Variants in SDK1 observed in about 807,000 individuals in gnomAD.
SDK1 encodes protein sidekick-1.
A neutral mutation model predicts 245.5 loss-of-function variants in SDK1; 157 were observed. The observed-to-expected ratio is 0.64, with a 90% CI of 0.56 to 0.73. SDK1 has a LOEUF of 0.73. Among genes scored for constraint, SDK1 ranks in the 30% least tolerant of loss-of-function variants. The pLI, the probability that SDK1 is intolerant of heterozygous loss-of-function variation, is 0.00. For missense variants in SDK1, 3,583 were observed against 3,002.3 expected (o/e 1.19, Z -4.52); for synonymous variants, 1,647 against 1,278.5 (o/e 1.29, Z -6.15).
chr7:3,854,290 T>TA (rs1231928280), intron 5 of SDK1, among the ~76,000 whole-genome samples: 1 of 152,210 alleles, frequency 6.6e-6, no homozygotes, highest in Non-Finnish European at 1.5e-5. Flanking sequence ...GAAGACTACC[T>TA]AAGCTCTGCA....
At chr7:3,745,666 C>G (rs961615587) in intron 4 of SDK1, among the ~76,000 whole-genome samples, 1 of 152,088 alleles carries the variant, frequency 6.6e-6, no homozygotes, top group African/African-American at 2.4e-5. Context: ...TCGAGCGACC[C>G]CTATAAAACT....
intron 5 of SDK1, among the ~76,000 whole-genome samples, chr7:3,904,992 CAAAAA>C (rs869287759): frequency 2.5e-5 from 3 of 120,348 alleles, no homozygotes; most frequent in Admixed American, 8.0e-5. Context: ...GACTCCGTCT[CAAAAA>C]AAAAAAAAAA....
chr7:4,070,867 G>A (rs1389844254), intron 20 of SDK1, among the ~76,000 whole-genome samples: 1 of 151,848 alleles, frequency 6.6e-6, no homozygotes, highest in Admixed American at 6.6e-5. Flanking sequence ...GAGCCACCAC[G>A]CCTGGCTAAT....
intron 5 of SDK1, among the ~76,000 whole-genome samples, chr7:3,902,708 T>A: frequency 6.6e-6 from 1 of 152,248 alleles, no homozygotes; most frequent in East Asian, 1.9e-4. Context: ...CAGAGAAGCC[T>A]CATCGCCTTC....
At chr7:4,012,710 A>C (rs1211881266) in intron 16 of SDK1, among the ~76,000 whole-genome samples, 1 of 151,338 alleles carries the variant, frequency 6.6e-6, no homozygotes, top group Admixed American at 6.6e-5. Context: ...AGTAGCTGGG[A>C]TTACAGGCAT....
chr7:3,767,129 C>T (rs1226734317), intron 4 of SDK1, among the ~76,000 whole-genome samples: 2 of 152,084 alleles, frequency 1.3e-5, no homozygotes, highest in Non-Finnish European at 2.9e-5. Context: ...GGAGATCCTT[C>T]TCTAAGGCAT....
intron 28 of SDK1, among the ~76,000 whole-genome samples, chr7:4,140,949 T>TA (rs1160584844): frequency 6.6e-6 from 1 of 152,084 alleles, no homozygotes; most frequent in Non-Finnish European, 1.5e-5. Context: ...TTTAAATTTT[T>TA]AAAAAAATGA....
intron 5 of SDK1, among the ~76,000 whole-genome samples, chr7:3,838,264 C>T (rs1001874020): frequency 1.3e-4 from 20 of 152,176 alleles, no homozygotes; most frequent in African/African-American, 4.6e-4. Context: ...TTAGGGAAGT[C>T]AAGGGTGAGA....
At chr7:3,595,281 TATG>T (rs1434258725) in intron 1 of SDK1, among the ~76,000 whole-genome samples, 4 of 152,242 alleles carry the variant, frequency 2.6e-5, no homozygotes, top group Non-Finnish European at 2.9e-5. Flanking sequence ...TTCGTAACTT[TATG>T]ATATTTTGCT....
chr7:4,216,726 C>A (rs1784818201), intron 38 of SDK1, among the ~76,000 whole-genome samples: 1 of 152,196 alleles, frequency 6.6e-6, no homozygotes, highest in Non-Finnish European at 1.5e-5. Context: ...CACACCTCCT[C>A]ACCCAGAACC....
At chr7:3,415,734 TA>T (rs1398544437) in intron 1 of SDK1, among the ~76,000 whole-genome samples, 8 of 149,748 alleles carry the variant, frequency 5.3e-5, no homozygotes, top group Admixed American at 2.0e-4. Context: ...TATATATATA[TA>T]TTCATATACA....
intron 5 of SDK1, among the ~76,000 whole-genome samples, chr7:3,942,906 C>T (rs1283020565): frequency 1.3e-5 from 2 of 152,140 alleles, no homozygotes; most frequent in Non-Finnish European, 2.9e-5. Flanking sequence ...AGTCTCATGG[C>T]TCAGGGAGAA....
chr7:3,693,520 T>C (rs796157413), intron 4 of SDK1, among the ~76,000 whole-genome samples: 10 of 152,360 alleles, frequency 6.6e-5, no homozygotes, highest in African/African-American at 2.4e-4. Context: ...CGTCAGCTGA[T>C]CCATGCTTTT....
chr7:3,517,824 T>G (rs1365450135), intron 1 of SDK1, among the ~76,000 whole-genome samples: 1 of 152,200 alleles, frequency 6.6e-6, no homozygotes, highest in Admixed American at 6.5e-5. Flanking sequence ...TAAGACCATT[T>G]TAATACCTCA....
Position 3,646,163 on chromosome 7 carries a change from C to T in SDK1, c.713+4058C>T, listed in dbSNP as rs1191759331. On this transcript the variant is annotated intron_variant, in intron 4 of 44. Transcript: ENST00000404826. Reference sequence around the variant, plus strand: ...TGAGCCACCACACCCAGCCTTTCTGCACCTATTTTTAACCTCCTTGTGTGA... The same window carrying T: ...TGAGCCACCACACCCAGCCTTTCTGTACCTATTTTTAACCTCCTTGTGTGA... Among the ~76,000 whole-genome samples, 6 of 152,276 alleles carry T rather than the reference C, an allele frequency of 3.9e-5. No individual in the cohort carries two copies. The East Asian group carries it at 1.2e-3, about 29-fold the overall frequency.
At chr7:3,959,074 T>C (rs1434092715) in intron 8 of SDK1, 60 bp downstream of exon 8, 7 of 1,264,054 alleles carry the variant, frequency 5.5e-6, no homozygotes, top group South Asian at 3.6e-5. Flanking sequence ...AAACAACCTT[T>C]TTCCATAGCA....
At position 4,265,253 on chromosome 7, in the gene SDK1, G is replaced by A. The variant is rs756304044; in HGVS notation, c.6511G>A (p.Glu2171Lys). 38 of 1,603,136 alleles carry A rather than the reference G, an allele frequency of 2.4e-5. No individual in the cohort carries two copies. Among genetic ancestry groups the A allele is most frequent in the Admixed American group, 5.0e-5 (3 of 59,712 alleles). Reference protein sequence around the residue: ...QGRAPAPHRYEAVAGSEAGAQ... With the variant: ...QGRAPAPHRYKAVAGSEAGAQ... ...CCGCGCACCTGCGCCGCACAGGTAC[G>A]AGGCGGTGGCGGGCTCCGAGGCGGG... is the stretch of plus-strand genomic sequence containing the variant. Residue 2171 changes from glutamate (E) to lysine (K), a missense_variant, in exon 45 of 45, where the codon GAG becomes AAG. Physicochemically the swap from Glu to Lys is moderately conservative, Grantham distance 56 (BLOSUM62 1). Coordinates refer to ENST00000404826, the MANE Select transcript of SDK1 (RefSeq NM_152744.4).
intron 14 of SDK1, among the ~76,000 whole-genome samples, chr7:4,002,806 G>C (rs1785173735): frequency 6.6e-6 from 1 of 152,158 alleles, no homozygotes; most frequent in Non-Finnish European, 1.5e-5. Context: ...TGTAATTTCG[G>C]AGCTCTTGTT....
At chr7:3,384,062 G>C (rs886182902) in intron 1 of SDK1, among the ~76,000 whole-genome samples, 1 of 152,108 alleles carries the variant, frequency 6.6e-6, no homozygotes, top group Non-Finnish European at 1.5e-5. Context: ...TTTATACAGA[G>C]TTAGCTTAGG....
Sources: gnomAD v4.1 joint callset for allele counts (sites outside exome capture counted in the v4.1 genomes callset) on GRCh38, gnomAD v4.1.1 for gene constraint, MANE v1.5 for transcripts, NCBI Gene and HGNC (gene_info 2026-07-23, HGNC 2026-07-21) for gene names.